The following OPCML variants were observed in gnomAD, a reference collection of about 807,000 sequenced individuals.
The protein encoded by OPCML is opioid binding protein/cell adhesion molecule like, also known as opioid-binding protein/cell adhesion molecule.
In OPCML, 13 loss-of-function variants were observed where a neutral mutation model predicts 37.8. The observed-to-expected ratio is 0.34, with a 90% CI of 0.22 to 0.55. The LOEUF is 0.55. Ranked by LOEUF, OPCML falls within the 20% of genes least tolerant of loss-of-function variation. The pLI is 0.91. For synonymous variants in OPCML, 176 were observed against 168.8 expected, an observed-to-expected ratio of 1.04 and a Z score of -0.33; for missense variants, 341 against 435.6, an observed-to-expected ratio of 0.78 and a Z score of 1.93.
At chr11:132,565,968 G>T (rs1336197228) in intron 3 of OPCML, among the ~76,000 whole-genome samples, 2 of 152,202 alleles carry the variant, frequency 1.3e-5, no homozygotes, top group East Asian at 1.9e-4. Context: ...AGGAGGTGGA[G>T]GTTGCAGTGA....
chr11:132,796,783 T>C (rs1022932551), intron 2 of OPCML, among the ~76,000 whole-genome samples: 1 of 152,098 alleles, frequency 6.6e-6, no homozygotes, highest in Non-Finnish European at 1.5e-5. Flanking sequence ...TTTCACTGTA[T>C]TAGCCAGGAT....
intron 1 of OPCML, among the ~76,000 whole-genome samples, chr11:133,080,712 CT>C (rs1948701088): frequency 6.6e-6 from 1 of 152,120 alleles, no homozygotes; most frequent in African/African-American, 2.4e-5. Context: ...CACCTTGAAG[CT>C]GGAGAGAGAA....
At position 133,208,512 on chromosome 11, in the gene OPCML, G is replaced by T. The variant is rs1274291897; in HGVS notation, c.62-265502C>A. On this transcript the variant is annotated intron_variant, in intron 1 of 7. Transcript: ENST00000524381. The surrounding 1 kb of genome is among the most constrained non-coding windows in gnomAD (Gnocchi z 8.9). Reference sequence around the variant, plus strand: ...GATTTGGATAATAAAGTGCAATGAAGTATGTCAGTAGGGCATCGTAAATAT... The same window carrying T: ...GATTTGGATAATAAAGTGCAATGAATTATGTCAGTAGGGCATCGTAAATAT... 6.6e-6 allele frequency among the ~76,000 whole-genome samples: 1 copy of T among 152,216 alleles called. No individual in the cohort carries two copies. Among genetic ancestry groups the T allele is most frequent in the East Asian group, 1.9e-4 (1 of 5,198 alleles).
chr11:133,319,423 C>T (rs931620769), intron 1 of OPCML, among the ~76,000 whole-genome samples: 1 of 152,120 alleles, frequency 6.6e-6, no homozygotes, highest in South Asian at 2.1e-4. Context: ...TCCGAGGTCC[C>T]GACAGGCTCA....
intron 1 of OPCML, chr11:133,006,274 C>G (rs899639258): frequency 2.0e-6 from 1 of 507,888 alleles, no homozygotes; most frequent in African/African-American, 2.1e-5. Context: ...CTAGCAGGGA[C>G]TCTGGCCTGG....
At chr11:133,277,206 T>G (rs534477197) in intron 1 of OPCML, among the ~76,000 whole-genome samples, 22 of 152,276 alleles carry the variant, frequency 1.4e-4, no homozygotes, top group African/African-American at 5.1e-4. Flanking sequence ...CCATCTACTT[T>G]TAGCCCACGA....
intron 1 of OPCML, among the ~76,000 whole-genome samples, chr11:133,181,533 C>T (rs1249770101): frequency 6.6e-6 from 1 of 152,016 alleles, no homozygotes; most frequent in Non-Finnish European, 1.5e-5. Context: ...TTCTACAGGG[C>T]AAATATTCTC....
intron 1 of OPCML, among the ~76,000 whole-genome samples, chr11:133,466,814 G>T (rs913636815): frequency 6.6e-6 from 1 of 152,180 alleles, no homozygotes; most frequent in Admixed American, 6.5e-5. Context: ...CCTAGCTAAT[G>T]TCTAACAGAC....
intron 1 of OPCML, among the ~76,000 whole-genome samples, chr11:133,109,230 T>G (rs578193670): frequency 6.6e-6 from 1 of 152,242 alleles, no homozygotes; most frequent in Admixed American, 6.5e-5. Context: ...TTGCCGTGGG[T>G]GTTACAGCTC....
chr11:133,370,570 GA>G (rs200146795), intron 1 of OPCML, among the ~76,000 whole-genome samples: 6 of 148,584 alleles, frequency 4.0e-5, no homozygotes, highest in Admixed American at 6.7e-5. Context: ...AAACATTGCT[GA>G]AAAAAAAATT....
chr11:133,108,694 G>A (rs1397080321), intron 1 of OPCML, among the ~76,000 whole-genome samples: 4 of 151,968 alleles, frequency 2.6e-5, no homozygotes, highest in African/African-American at 9.7e-5. Flanking sequence ...TTCATTGTCT[G>A]CAAGTATACC....
At chr11:132,504,138 A>G (rs1040893435) in intron 4 of OPCML, among the ~76,000 whole-genome samples, 2 of 152,206 alleles carry the variant, frequency 1.3e-5, no homozygotes, top group African/African-American at 4.8e-5. Context: ...AGTTCCTAAA[A>G]TCAATCAAAC....
intron 1 of OPCML, among the ~76,000 whole-genome samples, chr11:133,428,503 A>G (rs1946051875): frequency 2.0e-5 from 3 of 152,248 alleles, no homozygotes; most frequent in Admixed American, 2.0e-4. Flanking sequence ...GCTGATAGAT[A>G]GAAATTTGAA....
intron 1 of OPCML, among the ~76,000 whole-genome samples, chr11:133,333,340 TAACAC>T (rs1943667812): frequency 6.6e-6 from 1 of 151,868 alleles, no homozygotes; most frequent in South Asian, 2.1e-4. Context: ...ATTACAGGCA[TAACAC>T]AACCATCTGA....
At chr11:133,109,254 G>A (rs568186940) in intron 1 of OPCML, among the ~76,000 whole-genome samples, 1 of 152,188 alleles carries the variant, frequency 6.6e-6, no homozygotes, top group African/African-American at 2.4e-5. Context: ...AATATGGCAC[G>A]GACCCAAAGA....
chr11:132,447,705 G>T (rs2096059047), intron 4 of OPCML, among the ~76,000 whole-genome samples: 1 of 152,212 alleles, frequency 6.6e-6, no homozygotes, highest in Admixed American at 6.5e-5. Flanking sequence ...CTACTGAAAG[G>T]TCTGCTGTCA....
At position 133,141,095 on chromosome 11, in the gene OPCML, G is replaced by GAAGAAGAAGAAGAAGAAGAAGAAGA. The variant is rs1565469375; in HGVS notation, c.62-198086_62-198085insTCTTCTTCTTCTTCTTCTTCTTCTT. On this transcript the variant is annotated intron_variant, in intron 1 of 7. Coordinates refer to ENST00000524381, the MANE Select transcript of OPCML (RefSeq NM_001012393.5). ...GAAGAAGAAGAAGAAGAAGAAGAAG[G>GAAGAAGAAGAAGAAGAAGAAGAAGA]AGAAGAAGAAGCAGCTGAATGCCAA... Among the ~76,000 whole-genome samples the GAAGAAGAAGAAGAAGAAGAAGAAGA allele has an allele frequency of 5.2e-3, 67 of 12,944 alleles. 29 individuals are homozygous for GAAGAAGAAGAAGAAGAAGAAGAAGA. Among genetic ancestry groups the GAAGAAGAAGAAGAAGAAGAAGAAGA allele is most frequent in the Admixed American group, 6.1e-3 (4 of 656 alleles). The allele number at this position is 12,944 out of a possible 152,430, so 8.5% of individuals were successfully genotyped here. A position where few individuals can be genotyped will look rare whatever the true frequency, so the allele number is the denominator to read the frequency against.
At chr11:133,355,041 A>G (rs1944251924) in intron 1 of OPCML, among the ~76,000 whole-genome samples, 1 of 152,242 alleles carries the variant, frequency 6.6e-6, no homozygotes, top group South Asian at 2.1e-4. Context: ...TAATCTCTTG[A>G]TTCCATTTAC....
chr11:133,303,515 T>C (rs1308939914), intron 1 of OPCML, among the ~76,000 whole-genome samples: 1 of 152,190 alleles, frequency 6.6e-6, no homozygotes, highest in Non-Finnish European at 1.5e-5. Flanking sequence ...TTTCACTAAA[T>C]AATAGAGCGA....
Sources: allele counts gnomAD v4.1 joint callset (sites outside exome capture counted in the v4.1 genomes callset), GRCh38; gene constraint gnomAD v4.1.1; non-coding constraint Gnocchi (gnomAD v3.1); transcripts MANE v1.5; gene names NCBI Gene and HGNC (gene_info 2026-07-23, HGNC 2026-07-21).